Variants in ENOX1 observed in about 807,000 individuals in gnomAD.
ENOX1 encodes the protein ecto-NOX disulfide-thiol exchanger 1.
Under a neutral mutation model 82.5 loss-of-function variants are expected in ENOX1, and 42 were observed. The ratio of observed to expected loss-of-function variants is 0.51; its 90% CI spans 0.40 to 0.66. The LOEUF is 0.66. Ranked by LOEUF, ENOX1 falls within the 30% of genes least tolerant of loss-of-function variation. The pLI is 0.00. For missense variants in ENOX1, 608 were observed against 811.6 expected (o/e 0.75, Z 3.05); for synonymous variants, 271 against 282.2 (o/e 0.96, Z 0.40).
At chr13:43,547,999 G>A (rs973380605) in intron 2 of ENOX1, 2 of 152,184 alleles carry the variant, frequency 1.3e-5, no homozygotes, top group Admixed American at 6.5e-5. Context: ...TGGCTAGAGA[G>A]TATATGCAAA....
At chr13:43,668,596 T>C (rs183006872) in intron 1 of ENOX1, among the ~76,000 whole-genome samples, 18 of 152,316 alleles carry the variant, frequency 1.2e-4, no homozygotes, top group African/African-American at 3.8e-4. Flanking sequence ...ACATTGAAGA[T>C]AGACATTATT....
chr13:43,285,604 G>A (rs2045648257), intron 12 of ENOX1, among the ~76,000 whole-genome samples: 1 of 151,834 alleles, frequency 6.6e-6, no homozygotes, highest in Non-Finnish European at 1.5e-5. Context: ...TCAGGAGTTC[G>A]AGACCAGCCT....
intron 2 of ENOX1, among the ~76,000 whole-genome samples, chr13:43,490,117 T>G (rs1457231568): frequency 6.6e-6 from 1 of 152,132 alleles, no homozygotes; most frequent in Non-Finnish European, 1.5e-5. Flanking sequence ...TTTTTTTCTA[T>G]TTTTGGTAGA....
intron 2 of ENOX1, among the ~76,000 whole-genome samples, chr13:43,606,616 T>C (rs1566621833): frequency 2.6e-5 from 4 of 152,112 alleles, no homozygotes; most frequent in African/African-American, 9.7e-5. Context: ...CTAATTGATA[T>C]AGAGAGTAGA....
intron 2 of ENOX1, among the ~76,000 whole-genome samples, chr13:43,501,071 C>T (rs1593510717): frequency 1.3e-5 from 2 of 151,550 alleles, no homozygotes; most frequent in East Asian, 1.9e-4. Context: ...GTGGATCAAA[C>T]TCACCAAATA....
At chr13:43,418,398 C>T (rs2054763338) in intron 3 of ENOX1, among the ~76,000 whole-genome samples, 1 of 151,932 alleles carries the variant, frequency 6.6e-6, no homozygotes, top group South Asian at 2.1e-4. Flanking sequence ...TGTGGTGGTG[C>T]ATGCTTGTAA....
intron 1 of ENOX1, among the ~76,000 whole-genome samples, chr13:43,765,850 G>C (rs1341627440): frequency 6.6e-6 from 1 of 152,126 alleles, no homozygotes; most frequent in African/African-American, 2.4e-5. Flanking sequence ...AATAAAGATA[G>C]TAATGTTAAA....
intron 2 of ENOX1, among the ~76,000 whole-genome samples, chr13:43,649,683 CTA>C (rs1407948304): frequency 6.6e-6 from 1 of 152,054 alleles, no homozygotes; most frequent in Non-Finnish European, 1.5e-5. Flanking sequence ...CATTTTTTCT[CTA>C]TGAATTGAGG....
intron 5 of ENOX1, among the ~76,000 whole-genome samples, chr13:43,366,917 G>A (rs1026920023): frequency 1.3e-5 from 2 of 152,128 alleles, no homozygotes; most frequent in Admixed American, 6.5e-5. Flanking sequence ...ATAAATGGTA[G>A]CAATTACATA....
In ENOX1 at chr13:43,754,139, TAC is replaced by T. The variant is rs1476207764; in HGVS notation, c.-285+32511_-285+32512del. ...ACATAAGTATACGTATATACGTATA[TAC>T]ACATATATACATATGTATATATGTA... On this transcript the variant is annotated intron_variant, in intron 1 of 16. Transcript: ENST00000690772. Among the ~76,000 whole-genome samples the T allele has an allele frequency of 7.5e-5, 8 of 106,288 alleles. No homozygotes were observed. The South Asian group carries it at 1.3e-3, about 17-fold the overall frequency. The allele number at this position is 106,288 out of a possible 152,430, so 69.7% of individuals were successfully genotyped here. A position where few individuals can be genotyped will look rare whatever the true frequency, so the allele number is the denominator to read the frequency against.
chr13:43,665,663 C>G (rs1389642587), intron 2 of ENOX1, among the ~76,000 whole-genome samples: 2 of 151,828 alleles, frequency 1.3e-5, no homozygotes, highest in African/African-American at 4.8e-5. Context: ...CCAACACAGA[C>G]AGCAGTACCG....
intron 2 of ENOX1, among the ~76,000 whole-genome samples, chr13:43,590,333 A>T (rs2081187922): frequency 6.6e-6 from 1 of 152,138 alleles, no homozygotes; most frequent in African/African-American, 2.4e-5. Flanking sequence ...GAAAATGTAA[A>T]TTAGAGGTTA....
intron 8 of ENOX1, among the ~76,000 whole-genome samples, chr13:43,354,381 G>A (rs1282356347): frequency 6.6e-6 from 1 of 152,072 alleles, no homozygotes; most frequent in Non-Finnish European, 1.5e-5. Context: ...TTACGGTGCG[G>A]GTATTTCAGT....
intron 2 of ENOX1, among the ~76,000 whole-genome samples, chr13:43,650,659 T>C (rs997482579): frequency 1.9e-3 from 5 of 2,642 alleles, no homozygotes; most frequent in African/African-American, 2.2e-3. Flanking sequence ...GGCAACATGG[T>C]GAAACCCGTC....
At chr13:43,459,883 A>G (rs893527232) in intron 3 of ENOX1, among the ~76,000 whole-genome samples, 1 of 152,126 alleles carries the variant, frequency 6.6e-6, no homozygotes, top group Non-Finnish European at 1.5e-5. Context: ...AGTCCCAGCT[A>G]CTCAGGATGC....
At chr13:43,534,670 G>A (rs1289911813) in intron 2 of ENOX1, among the ~76,000 whole-genome samples, 1 of 152,118 alleles carries the variant, frequency 6.6e-6, no homozygotes, top group Non-Finnish European at 1.5e-5. Context: ...GATGCCTAAG[G>A]TGGTCTCTTC....
chr13:43,237,426 T>C (rs1215533287), intron 14 of ENOX1, among the ~76,000 whole-genome samples: 1 of 152,146 alleles, frequency 6.6e-6, no homozygotes, highest in Non-Finnish European at 1.5e-5. Flanking sequence ...GGACTCAAAA[T>C]GGAGAGTGAT....
chr13:43,299,071 C>T (rs1208682212), intron 11 of ENOX1, among the ~76,000 whole-genome samples: 1 of 152,122 alleles, frequency 6.6e-6, no homozygotes, highest in Non-Finnish European at 1.5e-5. Flanking sequence ...TGTTTTCCTC[C>T]AACTCCTATC....
At chr13:43,699,574 T>C (rs1297300694) in intron 1 of ENOX1, among the ~76,000 whole-genome samples, 2 of 152,216 alleles carry the variant, frequency 1.3e-5, no homozygotes, top group Non-Finnish European at 2.9e-5. Context: ...GTAATTACTT[T>C]GGCACATAGG....
Sources: gnomAD v4.1 joint callset for allele counts (sites outside exome capture counted in the v4.1 genomes callset) on GRCh38, gnomAD v4.1.1 for gene constraint, MANE v1.5 for transcripts, NCBI Gene and HGNC (gene_info 2026-07-23, HGNC 2026-07-21) for gene names.